Variants in ADAMTS2 observed in about 807,000 individuals in gnomAD.
ADAMTS2 encodes the protein ADAM metallopeptidase with thrombospondin type 1 motif 2, also known as A disintegrin and metalloproteinase with thrombospondin motifs 2.
A neutral mutation model predicts 123.0 loss-of-function variants in ADAMTS2; 50 were observed. The observed-to-expected ratio is 0.41, with a 90% CI of 0.32 to 0.51. The LOEUF (loss-of-function observed/expected upper bound fraction) is 0.51. Ranked by LOEUF, ADAMTS2 falls within the 20% of genes least tolerant of loss-of-function variation. The probability of loss-of-function intolerance (pLI) is 0.35; values close to 1 mark genes in which losing one functional copy is unlikely to be tolerated. For missense variants in ADAMTS2, 1,494 were observed against 1,705.2 expected, an observed-to-expected ratio of 0.88 and a Z score of 2.18; for synonymous variants, 678 against 695.4, an observed-to-expected ratio of 0.98 and a Z score of 0.39.
At chr5:179,254,740 C>G (rs1581222887) in intron 3 of ADAMTS2, among the ~76,000 whole-genome samples, 1 of 152,222 alleles carries the variant, frequency 6.6e-6, no homozygotes, top group African/African-American at 2.4e-5. Context: ...GTCAAAGATG[C>G]ACAGAAATAT....
rs573185100 is a variant in ADAMTS2, at chr5:179,308,551, C to T, written c.534+35216G>A. Among the ~76,000 whole-genome samples the T allele has an allele frequency of 6.8e-4, 104 of 152,292 alleles. No individual in the cohort carries two copies. The highest frequency in any genetic ancestry group is 2.3e-3 in the African/African-American group (97 of 41,566). On this transcript the variant is annotated intron_variant, in intron 2 of 21. Coordinates refer to ENST00000251582, the MANE Select transcript of ADAMTS2 (RefSeq NM_014244.5). This position sits in a 1 kb window ranked among gnomAD's most constrained non-coding sequence, Gnocchi z 6.6. ...GCCTGCAGGCCCCCATAATAGACAG[C>T]CTCATTTTTTTTTTCTAGGCAAAAC... is the stretch of plus-strand genomic sequence containing the variant.
intron 2 of ADAMTS2, among the ~76,000 whole-genome samples, chr5:179,333,597 T>TTG (rs1757533785): frequency 2.4e-5 from 1 of 41,006 alleles, no homozygotes; most frequent in Admixed American, 3.6e-4. Flanking sequence ...TTTTTTTCTG[T>TTG]TTTTTTTTTT....
At chr5:179,338,308 C>T (rs1757677553) in intron 2 of ADAMTS2, among the ~76,000 whole-genome samples, 1 of 152,208 alleles carries the variant, frequency 6.6e-6, no homozygotes, top group Non-Finnish European at 1.5e-5. Flanking sequence ...GGTTTCCTAC[C>T]TGTGAAATGG....
intron 21 of ADAMTS2, chr5:179,121,342 C>G (rs573173849): frequency 2.3e-4 from 46 of 199,634 alleles, no homozygotes; most frequent in African/African-American, 1.0e-3. Flanking sequence ...GCGAACCCCC[C>G]CGGGCCGGGA....
At chr5:179,343,002 C>T (rs78001884) in intron 2 of ADAMTS2, among the ~76,000 whole-genome samples, 7,179 of 149,202 alleles carry the variant, frequency 0.048, 212 homozygotes, top group African/African-American at 0.084. Flanking sequence ...CCCAAAAGAT[C>T]GAGCAGCTCA....
chr5:179,284,394 A>C (rs183346238), intron 2 of ADAMTS2, among the ~76,000 whole-genome samples: 1 of 152,152 alleles, frequency 6.6e-6, no homozygotes, highest in African/African-American at 2.4e-5. Flanking sequence ...TATTATTATT[A>C]TTTTGGAGAC....
At chr5:179,133,587 AACAG>A (rs1763002239) in intron 13 of ADAMTS2, among the ~76,000 whole-genome samples, 1 of 97,240 alleles carries the variant, frequency 1.0e-5, no homozygotes, top group African/African-American at 2.7e-5. Flanking sequence ...GATATTCTTT[AACAG>A]ACAGAATCCA....
At chr5:179,324,928 AC>A (rs34981778) in intron 2 of ADAMTS2, among the ~76,000 whole-genome samples, 129,193 of 151,928 alleles carry the variant, frequency 0.85, 55,002 homozygotes, top group Admixed American at 0.9. Flanking sequence ...GTCCTCAGGG[AC>A]CCCCCCACTG....
At chr5:179,320,116 C>A (rs1268334388) in intron 2 of ADAMTS2, among the ~76,000 whole-genome samples, 1 of 152,224 alleles carries the variant, frequency 6.6e-6, no homozygotes, top group Non-Finnish European at 1.5e-5. Flanking sequence ...GCCTCACTGT[C>A]CCTGCCCTGC....
intron 3 of ADAMTS2, among the ~76,000 whole-genome samples, chr5:179,261,227 C>G (rs1766215027): frequency 6.6e-6 from 1 of 152,190 alleles, no homozygotes; most frequent in African/African-American, 2.4e-5. Flanking sequence ...GCAGAGTAAT[C>G]AAACCCAGGG....
rs1010827283 is a variant in ADAMTS2 at position 179,122,497 on chromosome 5, C to T, written c.3088+147G>A. On this transcript the variant is annotated intron_variant, in intron 20 of 21. Coordinates refer to ENST00000251582, the MANE Select transcript of ADAMTS2 (RefSeq NM_014244.5). ...TGCCAGGCAAAGGTCCCAGACCTGG[C>T]CTGCAGTGCCCCGCTTCTCCATGCT... 12 of 1,224,318 alleles carry T rather than the reference C, an allele frequency of 9.8e-6. No homozygotes were observed. The Admixed American group carries it at 2.7e-4, about 27-fold the overall frequency. 75.8% of individuals were successfully genotyped at this position (1,224,318 alleles called of 1,614,324 possible).
In ADAMTS2 at chr5:179,132,670, C is replaced by G; in HGVS notation, c.2209+107G>C. The G allele has an allele frequency of 6.9e-7, 1 of 1,449,720 alleles. No individual in the cohort carries two copies. The highest frequency in any genetic ancestry group is 1.7e-5 in the Admixed American group (1 of 57,218). 89.8% of individuals were successfully genotyped at this position (1,449,720 alleles called of 1,614,324 possible). Reference sequence around the variant, plus strand: ...CACAGACCTCTCCCCCTCCCCAGAACAGTCATAAGCCCGGACAGCCCCAGG... The same window carrying G: ...CACAGACCTCTCCCCCTCCCCAGAAGAGTCATAAGCCCGGACAGCCCCAGG... On this transcript the variant is annotated intron_variant, in intron 14 of 21. Transcript: ENST00000251582. The surrounding 1 kb of genome is among the most constrained non-coding windows in gnomAD (Gnocchi z 6.1).
At position 179,307,929 on chromosome 5, in the gene ADAMTS2, GC is replaced by G. The variant is rs902212236; in HGVS notation, c.535-34866del. ...TGGGTTCTTTATTGGGTCACTCTCT[GC>G]CCCCTGACCAGGGATCTTACGAGAG... On this transcript the variant is annotated intron_variant, in intron 2 of 21. Coordinates refer to ENST00000251582, the MANE Select transcript of ADAMTS2 (RefSeq NM_014244.5). The surrounding 1 kb of genome is among the most constrained non-coding windows in gnomAD (Gnocchi z 5.6). Among the ~76,000 whole-genome samples, 1 of 152,132 alleles carries G rather than the reference GC, an allele frequency of 6.6e-6. No homozygotes were observed. The highest frequency in any genetic ancestry group is 2.4e-5 in the African/African-American group (1 of 41,410).
chr5:179,140,342 T>C (rs975100537), intron 10 of ADAMTS2, among the ~76,000 whole-genome samples: 4 of 152,248 alleles, frequency 2.6e-5, no homozygotes, highest in African/African-American at 7.2e-5. Flanking sequence ...CCAGGATAGA[T>C]GCCTCCTGGG....
chr5:179,284,677 G>A (rs377061875), intron 2 of ADAMTS2, among the ~76,000 whole-genome samples: 72 of 152,282 alleles, frequency 4.7e-4, no homozygotes, highest in African/African-American at 1.6e-3. Flanking sequence ...GTGAACCACC[G>A]TTCCCAGCCA....
rs1287994066 is a variant in ADAMTS2 at position 179,285,481 on chromosome 5, C to T, written c.535-12417G>A. Among the ~76,000 whole-genome samples, 1 of 152,186 alleles carries T rather than the reference C, an allele frequency of 6.6e-6. No homozygotes were observed. The highest frequency in any genetic ancestry group is 1.5e-5 in the Non-Finnish European group (1 of 68,034). ...CACTCAGCCCTCTGCAGCCAGCTCCCCCATCTCCATGGCTCCTGCACACAC... is the reference window on the plus strand; with the variant it reads ...CACTCAGCCCTCTGCAGCCAGCTCCTCCATCTCCATGGCTCCTGCACACAC... On this transcript the variant is annotated intron_variant, in intron 2 of 21. Coordinates refer to ENST00000251582, the MANE Select transcript of ADAMTS2 (RefSeq NM_014244.5). The surrounding 1 kb of genome is among the most constrained non-coding windows in gnomAD (Gnocchi z 4.9).
intron 3 of ADAMTS2, among the ~76,000 whole-genome samples, chr5:179,216,229 G>A (rs1764976043): frequency 1.3e-5 from 2 of 152,214 alleles, no homozygotes; most frequent in Non-Finnish European, 2.9e-5. Flanking sequence ...GAGCCATACT[G>A]AGCAGCGTGA....
intron 3 of ADAMTS2, among the ~76,000 whole-genome samples, chr5:179,216,360 C>T (rs750780556): frequency 2.6e-5 from 4 of 152,212 alleles, no homozygotes; most frequent in South Asian, 2.1e-4. Context: ...GGCCATGTGC[C>T]GATGAGGGGC....
intron 3 of ADAMTS2, among the ~76,000 whole-genome samples, chr5:179,226,251 TCTTCTCTTTCTTCTTTC>T (rs996968922): frequency 3.2e-4 from 31 of 95,452 alleles, no homozygotes; most frequent in Non-Finnish European, 7.9e-4. Context: ...TTTCTTTCTT[TCTTCTCTTTCTTCTTTC>T]CTTCTTTCTT....
Sources: allele counts gnomAD v4.1 joint callset (sites outside exome capture counted in the v4.1 genomes callset), GRCh38; gene constraint gnomAD v4.1.1; non-coding constraint Gnocchi (gnomAD v3.1); transcripts MANE v1.5; gene names NCBI Gene and HGNC (gene_info 2026-07-23, HGNC 2026-07-21).